Variants in ARMH4 observed in about 807,000 individuals in gnomAD.
ARMH4 encodes armadillo-like helical domain-containing protein 4.
ARMH4 carries 49 observed loss-of-function variants against 61.9 expected under a neutral mutation model. The observed-to-expected ratio is 0.79, with a 90% CI of 0.63 to 1.00. The LOEUF is 1.00. ARMH4 is among the 50% of genes least tolerant of loss of function. The pLI, the probability that ARMH4 is intolerant of heterozygous loss-of-function variation, is 0.00. For synonymous variants in ARMH4, 368 were observed against 341.5 expected (o/e 1.08, Z -0.85); for missense variants, 934 against 930.0 (o/e 1.00, Z -0.06).
At chr14:58,085,927 G>A (rs10483696) in intron 5 of ARMH4, among the ~76,000 whole-genome samples, 75,814 of 151,972 alleles carry the variant, frequency 0.5, 19,187 homozygotes, top group Middle Eastern at 0.53. Context: ...ATGCTACATC[G>A]TAATAATAAT....
At chr14:58,079,430 T>C (rs987797101) in intron 5 of ARMH4, among the ~76,000 whole-genome samples, 4 of 152,124 alleles carry the variant, frequency 2.6e-5, no homozygotes, top group African/African-American at 9.7e-5. Flanking sequence ...CCCAGATAAC[T>C]AACCCACTCC....
intron 5 of ARMH4, among the ~76,000 whole-genome samples, chr14:58,031,028 A>T (rs1230498974): frequency 2.0e-5 from 3 of 152,216 alleles, no homozygotes; most frequent in African/African-American, 7.2e-5. Context: ...ATGTGTTTTC[A>T]TTCAGTTAGA....
chr14:58,051,098 C>T (rs1884125064), intron 5 of ARMH4, among the ~76,000 whole-genome samples: 1 of 150,942 alleles, frequency 6.6e-6, no homozygotes, highest in Non-Finnish European at 1.5e-5. Flanking sequence ...ATACGAGATT[C>T]AAGGATCTAT....
At chr14:58,047,032 T>G (rs1883967731) in intron 5 of ARMH4, among the ~76,000 whole-genome samples, 1 of 152,194 alleles carries the variant, frequency 6.6e-6, no homozygotes, top group South Asian at 2.1e-4. Flanking sequence ...CTCTAACAGT[T>G]TGACAGGCTC....
intron 4 of ARMH4, among the ~76,000 whole-genome samples, chr14:58,102,151 TGGAAG>T (rs1886004678): frequency 1.3e-5 from 2 of 152,162 alleles, no homozygotes; most frequent in African/African-American, 4.8e-5. Flanking sequence ...GAGAAGGCAC[TGGAAG>T]GCCTCAGGCA....
At chr14:58,043,404 A>G (rs1464117557) in intron 5 of ARMH4, among the ~76,000 whole-genome samples, 3 of 152,078 alleles carry the variant, frequency 2.0e-5, no homozygotes, top group Non-Finnish European at 2.9e-5. Context: ...AAATTCAACA[A>G]CGCTTCATGC....
intron 4 of ARMH4, among the ~76,000 whole-genome samples, chr14:58,127,725 GC>G (rs1886950774): frequency 6.6e-6 from 1 of 152,124 alleles, no homozygotes; most frequent in Non-Finnish European, 1.5e-5. Context: ...AAGAGTCCAA[GC>G]AAATTCAGTG....
intron 4 of ARMH4, among the ~76,000 whole-genome samples, chr14:58,097,502 T>G (rs1885793925): frequency 1.3e-5 from 2 of 152,186 alleles, no homozygotes; most frequent in African/African-American, 4.8e-5. Context: ...TCTTGGATCT[T>G]GTTCTCTCTA....
chr14:58,041,079 T>G (rs1247714961), intron 5 of ARMH4, among the ~76,000 whole-genome samples: 1 of 152,180 alleles, frequency 6.6e-6, no homozygotes, highest in Non-Finnish European at 1.5e-5. Context: ...ACTGAGGTAC[T>G]GGGTTCATCT....
chr14:58,069,036 A>G (rs896733655), intron 5 of ARMH4, among the ~76,000 whole-genome samples: 2 of 152,032 alleles, frequency 1.3e-5, no homozygotes, highest in African/African-American at 4.8e-5. Flanking sequence ...AGACAGAGAT[A>G]AAAAGGACTC....
At position 58,062,917 on chromosome 14, in the gene ARMH4, G is replaced by A. The variant is rs1052584336; in HGVS notation, c.2089+33807C>T. On this transcript the variant is annotated intron_variant, in intron 5 of 7. Coordinates refer to ENST00000267485, the MANE Select transcript of ARMH4 (RefSeq NM_001001872.4). ...ATGAAGGGGAGAAGAGAAGTAAAGA[G>A]CAGTCACTCAAGGGGGTATACTAGC... 4.6e-5 allele frequency among the ~76,000 whole-genome samples: 7 copies of A among 152,206 alleles called. 1 individual carries two copies. In the South Asian group the frequency reaches 6.2e-4, roughly 14 times the overall value.
intron 4 of ARMH4, among the ~76,000 whole-genome samples, chr14:58,112,122 CA>C (rs1387508478): frequency 6.6e-6 from 1 of 152,146 alleles, no homozygotes; most frequent in African/African-American, 2.4e-5. Flanking sequence ...AAGTCTTCAA[CA>C]AATAAATTTT....
chr14:58,057,126 T>C (rs1450667493), intron 5 of ARMH4, among the ~76,000 whole-genome samples: 1 of 152,126 alleles, frequency 6.6e-6, no homozygotes, highest in South Asian at 2.1e-4. Flanking sequence ...AAAATAAACT[T>C]CTCTCTTCTT....
intron 5 of ARMH4, among the ~76,000 whole-genome samples, chr14:58,034,159 T>G (rs1203405046): frequency 7.5e-6 from 1 of 134,076 alleles, no homozygotes; most frequent in African/African-American, 2.8e-5. Flanking sequence ...GAGAGAAAGG[T>G]CGGGTTACCC....
chr14:58,098,973 T>C (rs1885857544), intron 4 of ARMH4, among the ~76,000 whole-genome samples: 1 of 152,050 alleles, frequency 6.6e-6, no homozygotes, highest in Admixed American at 6.5e-5. Context: ...TAGGGTACAA[T>C]CTGGAAAGAG....
At chr14:58,140,347 G>A (rs576814132) in intron 1 of ARMH4, among the ~76,000 whole-genome samples, 12 of 150,682 alleles carry the variant, frequency 8.0e-5, no homozygotes, top group East Asian at 3.9e-4. Flanking sequence ...TTAGGAGGCC[G>A]AGGCCAGCAG....
chr14:58,056,799 A>G (rs1471782902), intron 5 of ARMH4, among the ~76,000 whole-genome samples: 1 of 152,130 alleles, frequency 6.6e-6, no homozygotes, highest in Non-Finnish European at 1.5e-5. Context: ...TTCTGTAACA[A>G]CAAAACCCTA....
chr14:58,025,500 G>A (rs1408753688), intron 5 of ARMH4, among the ~76,000 whole-genome samples: 2 of 152,104 alleles, frequency 1.3e-5, no homozygotes, highest in African/African-American at 4.8e-5. Flanking sequence ...TGAAATATTA[G>A]AGCATAGTCC....
chr14:58,083,046 G>A (rs1332319552), intron 5 of ARMH4, among the ~76,000 whole-genome samples: 2 of 152,138 alleles, frequency 1.3e-5, no homozygotes, highest in African/African-American at 4.8e-5. Context: ...AGTTGCATAG[G>A]TCCAAGAAGA....
Sources: allele counts gnomAD v4.1 joint callset (sites outside exome capture counted in the v4.1 genomes callset), GRCh38; gene constraint gnomAD v4.1.1; transcripts MANE v1.5; gene names NCBI Gene and HGNC (gene_info 2026-07-23, HGNC 2026-07-21).